Variants in GRIN3A observed in about 807,000 individuals in gnomAD.
GRIN3A encodes the protein glutamate receptor ionotropic, NMDA 3A.
In GRIN3A, 47 loss-of-function variants were observed where a neutral mutation model predicts 92.4. The observed-to-expected ratio is 0.51, with a 90% CI of 0.40 to 0.65. The LOEUF is 0.65. GRIN3A is among the 30% of genes least tolerant of loss of function. The pLI is 0.00. For missense variants in GRIN3A, 1,324 were observed against 1,393.1 expected (o/e 0.95, Z 0.79); for synonymous variants, 527 against 540.6 (o/e 0.97, Z 0.35).
At chr9:101,600,113 A>G (rs1367783506) in intron 6 of GRIN3A, among the ~76,000 whole-genome samples, 4 of 152,210 alleles carry the variant, frequency 2.6e-5, no homozygotes, top group Non-Finnish European at 5.9e-5. Context: ...CTTTTCACTC[A>G]TCTGTAAAAC....
At chr9:101,673,857 G>A (rs745614420) in intron 2 of GRIN3A, among the ~76,000 whole-genome samples, 4 of 152,036 alleles carry the variant, frequency 2.6e-5, no homozygotes, top group Admixed American at 2.0e-4. Context: ...CTAATTCTGG[G>A]GAGAGAGAAA....
intron 4 of GRIN3A, among the ~76,000 whole-genome samples, chr9:101,623,815 C>T (rs1014203340): frequency 1.3e-5 from 2 of 152,214 alleles, no homozygotes; most frequent in Non-Finnish European, 2.9e-5. Flanking sequence ...TACCTTTTAT[C>T]ACTCAGAATG....
chr9:101,641,105 A>G (rs1251467312), intron 3 of GRIN3A, among the ~76,000 whole-genome samples: 1 of 152,202 alleles, frequency 6.6e-6, no homozygotes, highest in East Asian at 1.9e-4. Context: ...CCTAAAGCAT[A>G]GGAAAAGAAA....
chr9:101,716,651 AT>A (rs1829951794), intron 1 of GRIN3A, among the ~76,000 whole-genome samples: 1 of 152,148 alleles, frequency 6.6e-6, no homozygotes, highest in South Asian at 2.1e-4. Flanking sequence ...TGTACTTGTT[AT>A]GATTACAGGC....
chr9:101,724,171 G>A (rs1164281472), intron 1 of GRIN3A, among the ~76,000 whole-genome samples: 1 of 134,266 alleles, frequency 7.4e-6, no homozygotes, highest in Non-Finnish European at 1.7e-5. Flanking sequence ...AGGGGGTGGC[G>A]TTCGTCGAGG....
chr9:101,715,348 A>G (rs982684650), intron 1 of GRIN3A, among the ~76,000 whole-genome samples: 1 of 152,176 alleles, frequency 6.6e-6, no homozygotes, highest in Non-Finnish European at 1.5e-5. Context: ...AAATGAAATA[A>G]TCTAAATAGA....
intron 1 of GRIN3A, among the ~76,000 whole-genome samples, chr9:101,718,559 G>A (rs1289888095): frequency 1.3e-5 from 2 of 152,202 alleles, no homozygotes; most frequent in Non-Finnish European, 2.9e-5. Flanking sequence ...GCTACGCTAA[G>A]CTGCTTAGAA....
rs541705091 is a variant in GRIN3A, at chr9:101,606,257, G to C, written c.2766+7119C>G. Among the ~76,000 whole-genome samples the C allele has an allele frequency of 4.5e-4, 69 of 152,116 alleles. 1 individual carries two copies. Among genetic ancestry groups the C allele is most frequent in the Admixed American group, 4.2e-3 (64 of 15,266 alleles). On this transcript the variant is annotated intron_variant, in intron 6 of 8. Coordinates refer to ENST00000361820, the MANE Select transcript of GRIN3A (RefSeq NM_133445.3). ...GGACATTCTTCTGCCCTTCCAGATC[G>C]ACTCTCCATCTTTCTTCCTCCTGCT... is the stretch of plus-strand genomic sequence containing the variant.
intron 1 of GRIN3A, among the ~76,000 whole-genome samples, chr9:101,709,079 C>T (rs1268220322): frequency 1.3e-5 from 2 of 152,090 alleles, no homozygotes; most frequent in African/African-American, 2.4e-5. Context: ...CTAGCCATAA[C>T]CTGTATTCTA....
intron 5 of GRIN3A, among the ~76,000 whole-genome samples, chr9:101,615,726 T>C (rs1472263959): frequency 6.6e-6 from 1 of 152,200 alleles, no homozygotes; most frequent in East Asian, 1.9e-4. Flanking sequence ...TCATGCAGAA[T>C]AGTGCTTGGG....
At chr9:101,615,980 T>A (rs1024261311) in intron 5 of GRIN3A, among the ~76,000 whole-genome samples, 1 of 152,218 alleles carries the variant, frequency 6.6e-6, no homozygotes, top group African/African-American at 2.4e-5. Context: ...CTATCTCAGT[T>A]GTAATGAAAT....
chr9:101,697,883 T>G (rs1829703106), intron 1 of GRIN3A, among the ~76,000 whole-genome samples: 2 of 152,148 alleles, frequency 1.3e-5, no homozygotes, highest in Non-Finnish European at 2.9e-5. Flanking sequence ...ATGACTTAAT[T>G]TTAATATGTA....
In GRIN3A at chr9:101,670,811, T is replaced by C. The variant is rs1829307577; in HGVS notation, c.1601A>G (p.Glu534Gly). The C allele has an allele frequency of 1.2e-6, 2 of 1,614,048 alleles. No individual in the cohort carries two copies. Among genetic ancestry groups the C allele is most frequent in the East Asian group, 2.2e-5 (1 of 44,860 alleles). ...GAGTTGGCCAGCAGGGCACAAGCCT[T>C]CATCATCTACCTCCCTTGTGAAGAC... ...PFVFTREVDD[E>G]GLCPAGQLCL... Residue 534 changes from glutamate (E) to glycine (G), a missense_variant, in exon 3 of 9, where the codon GAA becomes GGA. Transcript: ENST00000361820.
chr9:101,637,023 G>A (rs1353406689), intron 3 of GRIN3A, among the ~76,000 whole-genome samples: 1 of 152,160 alleles, frequency 6.6e-6, no homozygotes, highest in Non-Finnish European at 1.5e-5. Flanking sequence ...AGCAATCTTA[G>A]TGGTGGCTGT....
chr9:101,650,790 T>C (rs1048286456), intron 3 of GRIN3A, among the ~76,000 whole-genome samples: 6 of 152,010 alleles, frequency 3.9e-5, no homozygotes, highest in Non-Finnish European at 7.4e-5. Context: ...CATTTGCACA[T>C]GCTGTTACCT....
intron 6 of GRIN3A, among the ~76,000 whole-genome samples, chr9:101,608,969 A>C (rs572899777): frequency 2.0e-5 from 3 of 152,340 alleles, no homozygotes; most frequent in South Asian, 2.1e-4. Context: ...ATGAGAGAAG[A>C]AGCAGCTTTC....
intron 3 of GRIN3A, among the ~76,000 whole-genome samples, chr9:101,662,715 G>A (rs1829186206): frequency 6.6e-6 from 1 of 151,708 alleles, no homozygotes; most frequent in South Asian, 2.1e-4. Context: ...AAGGAATTTT[G>A]ACATCTTTAA....
In GRIN3A at chr9:101,723,618, G is replaced by C. The variant is rs1195667948; in HGVS notation, c.699+13663C>G. On this transcript the variant is annotated intron_variant, in intron 1 of 8. Transcript: ENST00000361820. ...TCCTGCTGATTGGTAGAGCCGAGTG[G>C]TCTGTTTTGACAGGGTGCTGATGGG... Among the ~76,000 whole-genome samples the C allele has an allele frequency of 2.0e-5, 3 of 152,146 alleles. No homozygotes were observed. The East Asian group carries it at 5.8e-4, about 29-fold the overall frequency.
chr9:101,637,302 CCAGG>C (rs1828797365), intron 3 of GRIN3A, among the ~76,000 whole-genome samples: 1 of 152,116 alleles, frequency 6.6e-6, no homozygotes, highest in Non-Finnish European at 1.5e-5. Context: ...ACCATGTTAG[CCAGG>C]ATGGTCTCCA....
Sources: allele counts gnomAD v4.1 joint callset (sites outside exome capture counted in the v4.1 genomes callset), GRCh38; gene constraint gnomAD v4.1.1; transcripts MANE v1.5; gene names NCBI Gene and HGNC (gene_info 2026-07-23, HGNC 2026-07-21).